Variants in STPG1 observed in about 807,000 individuals in gnomAD.
STPG1 encodes O(6)-methylguanine-induced apoptosis 2.
STPG1 carries 33 observed loss-of-function variants against 40.1 expected under a neutral mutation model. That is an observed-to-expected ratio of 0.82 (90% CI 0.62 to 1.10). STPG1 has a LOEUF of 1.10. Among genes scored for constraint, STPG1 ranks in the 50% least tolerant of loss-of-function variants. The pLI, the probability that STPG1 is intolerant of heterozygous loss-of-function variation, is 0.00. For synonymous variants in STPG1, 150 were observed against 155.0 expected (o/e 0.97, Z 0.24); for missense variants, 396 against 415.1 (o/e 0.95, Z 0.40).
At chr1:24,368,626 A>T (rs1271776094) in intron 7 of STPG1, 1 of 152,192 alleles carries the variant, frequency 6.6e-6, no homozygotes, top group African/African-American at 2.4e-5. Flanking sequence ...GGGTAACAAA[A>T]ATCCCTGTAT....
intron 5 of STPG1, among the ~76,000 whole-genome samples, chr1:24,374,172 A>G (rs1406170268): frequency 6.6e-6 from 1 of 150,974 alleles, no homozygotes; most frequent in Non-Finnish European, 1.5e-5. Context: ...CGGATTGGAC[A>G]GTCAGCTCCA....
At chr1:24,367,675 C>T (rs184920698) in intron 7 of STPG1, among the ~76,000 whole-genome samples, 2 of 152,114 alleles carry the variant, frequency 1.3e-5, no homozygotes, top group South Asian at 2.1e-4. Context: ...CCCTCCACCA[C>T]GCCCAGCTTT....
At chr1:24,392,865 AAC>A (rs1491025627) in intron 2 of STPG1, among the ~76,000 whole-genome samples, 2 of 151,782 alleles carry the variant, frequency 1.3e-5, no homozygotes, top group East Asian at 1.9e-4. Context: ...GGGGAAAAAA[AAC>A]AGTCAAGAGA....
At position 24,369,678 on chromosome 1, in the gene STPG1, A is replaced by C; in HGVS notation, c.733T>G (p.Phe245Val). 1 of 1,590,862 alleles carries C rather than the reference A, an allele frequency of 6.3e-7. No individual in the cohort carries two copies. Among genetic ancestry groups the C allele is most frequent in the Non-Finnish European group, 8.6e-7 (1 of 1,165,786 alleles). ...DCTKVPKKTL[F>V]PKNPILNFSA... ...ACCAGAATGATTGGGACTCACGGGA[A>C]AAGAGTCTTTTTTGGAACTTTTGTG... Residue 245 changes from phenylalanine to valine, a missense_variant, in exon 7 of 9, where the codon TTC (phenylalanine) becomes GTC (valine). Physicochemically the swap from Phe to Val is conservative, Grantham distance 50. Transcript: ENST00000337248.
chr1:24,388,295 G>A (rs1162997145), intron 3 of STPG1, among the ~76,000 whole-genome samples: 59 of 152,302 alleles, frequency 3.9e-4, no homozygotes, highest in Non-Finnish European at 2.9e-5. Context: ...ACAGGGAGGC[G>A]GGGGTAGAAA....
intron 5 of STPG1, chr1:24,379,452 A>T: frequency 1.7e-6 from 1 of 580,174 alleles, no homozygotes; most frequent in Non-Finnish European, 3.1e-6. Flanking sequence ...ACTGGCCTCC[A>T]TGTTGCCCAT....
chr1:24,395,290 A>G (rs1432201039), intron 2 of STPG1, among the ~76,000 whole-genome samples: 2 of 152,120 alleles, frequency 1.3e-5, no homozygotes, highest in Non-Finnish European at 2.9e-5. Context: ...GGGAGCTACA[A>G]GAAATGTTAA....
chr1:24,386,554 G>C (rs1185972325), intron 3 of STPG1, among the ~76,000 whole-genome samples: 4 of 152,206 alleles, frequency 2.6e-5, no homozygotes, highest in African/African-American at 9.7e-5. Flanking sequence ...ACTTTTCTTC[G>C]AGGAGGGTAA....
In STPG1 at chr1:24,358,493, G is replaced by A; in HGVS notation, c.*50C>T. The A allele has an allele frequency of 1.4e-6, 2 of 1,465,768 alleles. No homozygotes were observed. The highest frequency in any genetic ancestry group is 1.7e-5 in the Admixed American group (1 of 59,862). 90.8% of individuals were successfully genotyped at this position (1,465,768 alleles called of 1,614,324 possible). On this transcript the variant is annotated 3_prime_UTR_variant, in exon 9 of 9. Transcript: ENST00000337248. ...TCCTGAGGAATGTCCTGGGGACGCT[G>A]GGCAGGGTGGGCTGGTGGCTGGAGT...
chr1:24,364,309 C>G lies in STPG1; in HGVS notation c.738-3268G>C, dbSNP rs747321006. ...AGATGGATTTTGGAGGCAGAGGGAC[C>G]TGGATTCAAATCCCAGCCCCACCAC... On this transcript the variant is annotated intron_variant, in intron 7 of 8. Coordinates refer to ENST00000337248, the MANE Select transcript of STPG1 (RefSeq NM_001199013.2). 71 of 1,549,860 alleles carry G rather than the reference C, an allele frequency of 4.6e-5. No homozygotes were observed. In the South Asian group the frequency reaches 8.0e-4, roughly 17 times the overall value.
chr1:24,387,033 T>C lies in STPG1; in HGVS notation c.190-3030A>G, dbSNP rs41420648. ...TCACCATCACCATCACCACGCACGA[T>C]GTTGCCTGCTACTGCCTCCATGGAG... On this transcript the variant is annotated intron_variant, in intron 3 of 8. Transcript: ENST00000337248. 5.8e-3 allele frequency among the ~76,000 whole-genome samples: 883 copies of C among 152,260 alleles called. 16 individuals are homozygous for C. The East Asian group carries it at 0.075, about 13-fold the overall frequency.
intron 1 of STPG1, among the ~76,000 whole-genome samples, chr1:24,405,257 G>A (rs1489424601): frequency 2.6e-5 from 4 of 152,092 alleles, no homozygotes; most frequent in Non-Finnish European, 4.4e-5. Flanking sequence ...CGCACCCAGC[G>A]CCTTCTTCTT....
intron 1 of STPG1, chr1:24,410,647 C>T (rs1219074343): frequency 6.5e-6 from 1 of 153,230 alleles, no homozygotes; most frequent in Non-Finnish European, 1.5e-5. Flanking sequence ...AATCCCCAAT[C>T]CTACCACCAA....
At position 24,369,843 on chromosome 1, in the gene STPG1, A is replaced by T. The variant is rs1197464221; in HGVS notation, c.572-4T>A. On this transcript the variant is annotated splice_region_variant and splice_polypyrimidine_tract_variant and intron_variant, in intron 6 of 8. Transcript: ENST00000337248. ...GATTCGTTGATATCATAATGCCCTA[A>T]GGAGAAAGAAATTTTAGGACAGAAT... 1 of 1,581,148 alleles carries T rather than the reference A, an allele frequency of 6.3e-7. No homozygotes were observed. The highest frequency in any genetic ancestry group is 1.1e-5 in the South Asian group (1 of 87,274).
At chr1:24,389,750 A>C (rs1201431819) in intron 3 of STPG1, among the ~76,000 whole-genome samples, 3 of 152,174 alleles carry the variant, frequency 2.0e-5, no homozygotes, top group Non-Finnish European at 1.5e-5. Flanking sequence ...TAAATTGACA[A>C]ATGGGAAACC....
intron 4 of STPG1, among the ~76,000 whole-genome samples, 189 bp from the exon 5 acceptor site, chr1:24,380,012 T>G (rs1232503829): frequency 1.3e-5 from 2 of 152,214 alleles, no homozygotes; most frequent in African/African-American, 4.8e-5. Flanking sequence ...AGTTCAGACC[T>G]GTACTCGCTT....
At position 24,357,776 on chromosome 1, in the gene STPG1, C is replaced by T. The variant is rs925922520; in HGVS notation, c.*767G>A. ...TTCTTTTTCCCTCCACATAGAGAGA[C>T]GAAAGCTATCAGGCCTAGACAGGCC... is the stretch of plus-strand genomic sequence containing the variant. On this transcript the variant is annotated 3_prime_UTR_variant, in exon 9 of 9. Coordinates refer to ENST00000337248, the MANE Select transcript of STPG1 (RefSeq NM_001199013.2). 4 of 194,514 alleles carry T rather than the reference C, an allele frequency of 2.1e-5. No individual in the cohort carries two copies. The highest frequency in any genetic ancestry group is 4.4e-5 in the Non-Finnish European group (4 of 91,262). The allele number at this position is 194,514 out of a possible 1,614,324, so 12.0% of individuals were successfully genotyped here. A position where few individuals can be genotyped will look rare whatever the true frequency, so the allele number is the denominator to read the frequency against.
chr1:24,358,629 GA>G lies in STPG1; in HGVS notation c.929-11del. 1 of 1,607,296 alleles carries G rather than the reference GA, an allele frequency of 6.2e-7. No individual in the cohort carries two copies. The highest frequency in any genetic ancestry group is 8.5e-7 in the Non-Finnish European group (1 of 1,174,126). On this transcript the variant is annotated splice_polypyrimidine_tract_variant and intron_variant, in intron 8 of 8. Coordinates refer to ENST00000337248, the MANE Select transcript of STPG1 (RefSeq NM_001199013.2). ...TCTGGCTTGTACGTAGCTGTGAGGG[GA>G]CAGAGAGGCGGAGGCATTAAGAGAG...
intron 7 of STPG1, among the ~76,000 whole-genome samples, chr1:24,366,679 C>T (rs1641484668): frequency 6.6e-6 from 1 of 152,168 alleles, no homozygotes; most frequent in Non-Finnish European, 1.5e-5. Context: ...GTGTGCTCTC[C>T]TGAGTCCATG....
Sources: gnomAD v4.1 joint callset for allele counts (sites outside exome capture counted in the v4.1 genomes callset) on GRCh38, gnomAD v4.1.1 for gene constraint, MANE v1.5 for transcripts, NCBI Gene and HGNC (gene_info 2026-07-23, HGNC 2026-07-21) for gene names.